AFF3: variants seen among roughly 807,000 people sequenced by gnomAD.
AFF3 encodes the protein ALF transcription elongation factor 3.
Under a neutral mutation model 129.7 loss-of-function variants are expected in AFF3, and 32 were observed. The observed-to-expected ratio is 0.25, with a 90% CI of 0.19 to 0.33. The LOEUF (loss-of-function observed/expected upper bound fraction) is 0.33, where lower values mean the gene tolerates loss of function less well. Ranked by LOEUF, AFF3 falls within the 10% of genes least tolerant of loss-of-function variation. AFF3 has a pLI of 1.00. For synonymous variants in AFF3, 644 were observed against 635.4 expected, an observed-to-expected ratio of 1.01 and a Z score of -0.20; for missense variants, 1,373 against 1,592.0, an observed-to-expected ratio of 0.86 and a Z score of 2.34.
At chr2:100,004,326 A>C (rs898794263) in intron 7 of AFF3, among the ~76,000 whole-genome samples, 1 of 152,240 alleles carries the variant, frequency 6.6e-6, no homozygotes, top group African/African-American at 2.4e-5. Flanking sequence ...ATTGGCATGA[A>C]TATTTTTGAA....
chr2:99,597,530 T>C (rs1013151669), intron 14 of AFF3, among the ~76,000 whole-genome samples: 1 of 152,254 alleles, frequency 6.6e-6, no homozygotes, highest in Non-Finnish European at 1.5e-5. Context: ...CTCCTCCTAA[T>C]AAGAACAACT....
chr2:99,647,437 T>C (rs1293825507), intron 13 of AFF3, among the ~76,000 whole-genome samples: 1 of 152,130 alleles, frequency 6.6e-6, no homozygotes, highest in Non-Finnish European at 1.5e-5. Context: ...AAGTGGGAGC[T>C]GAATGATGAG....
intron 4 of AFF3, among the ~76,000 whole-genome samples, chr2:100,031,960 C>A (rs537567893): frequency 4.6e-5 from 7 of 152,304 alleles, no homozygotes; most frequent in African/African-American, 1.7e-4. Context: ...ATCTCACAAA[C>A]ATAATATTGA....
At chr2:99,727,181 GA>G (rs1201537471) in intron 10 of AFF3, 53 bp from the exon 11 acceptor site, 3 of 1,470,102 alleles carry the variant, frequency 2.0e-6, no homozygotes, top group African/African-American at 2.8e-5. Context: ...CAGTCTTTAA[GA>G]TTTAAGAGAG....
At chr2:99,900,679 C>T (rs1039452572) in intron 7 of AFF3, among the ~76,000 whole-genome samples, 1 of 152,168 alleles carries the variant, frequency 6.6e-6, no homozygotes, top group African/African-American at 2.4e-5. Flanking sequence ...CATTTACTGA[C>T]TGGAAGTGTC....
At chr2:99,880,482 T>C (rs1273852975) in intron 7 of AFF3, among the ~76,000 whole-genome samples, 1 of 152,038 alleles carries the variant, frequency 6.6e-6, no homozygotes, top group Non-Finnish European at 1.5e-5. Context: ...CATTCTGAGG[T>C]GGTGGGTGGA....
At chr2:99,839,574 C>A (rs1261429925) in intron 7 of AFF3, among the ~76,000 whole-genome samples, 1 of 150,136 alleles carries the variant, frequency 6.7e-6, no homozygotes, top group East Asian at 1.9e-4. Flanking sequence ...GAAATGATGT[C>A]TCATTGTGGC....
At chr2:100,076,251 T>C (rs1416180219) in intron 4 of AFF3, among the ~76,000 whole-genome samples, 1 of 152,178 alleles carries the variant, frequency 6.6e-6, no homozygotes, top group Non-Finnish European at 1.5e-5. Context: ...TATCTTCTTA[T>C]CTAATGCAGT....
At chr2:100,019,542 G>C (rs1683414638) in intron 4 of AFF3, among the ~76,000 whole-genome samples, 1 of 152,208 alleles carries the variant, frequency 6.6e-6, no homozygotes, top group Non-Finnish European at 1.5e-5. Context: ...TACCTGAGAG[G>C]AAAGGACACC....
chr2:99,736,859 C>G (rs1680307493), intron 10 of AFF3, among the ~76,000 whole-genome samples: 1 of 152,274 alleles, frequency 6.6e-6, no homozygotes, highest in Non-Finnish European at 1.5e-5. Flanking sequence ...ATCTGCCCAC[C>G]TCGGTCTCCC....
At chr2:99,756,083 T>C (rs369455358) in intron 8 of AFF3, among the ~76,000 whole-genome samples, 4 of 152,240 alleles carry the variant, frequency 2.6e-5, no homozygotes, top group Non-Finnish European at 5.9e-5. Context: ...TCCTTCTCCT[T>C]TGAGGCTCTT....
rs148135206 is a variant in AFF3, at chr2:99,862,296, G to A, written c.874-24772C>T. Among the ~76,000 whole-genome samples the A allele has an allele frequency of 3.6e-4, 55 of 152,212 alleles. No homozygotes were observed. In the East Asian group the frequency reaches 0.01, roughly 28 times the overall value. Reference sequence around the variant, plus strand: ...AATTCACTGGAATGGTCCAGCTTCCGGCCAGGGACTGTCCTCTGCAGCACA... The same window carrying A: ...AATTCACTGGAATGGTCCAGCTTCCAGCCAGGGACTGTCCTCTGCAGCACA... On this transcript the variant is annotated intron_variant, in intron 7 of 24. Coordinates refer to ENST00000672756, the MANE Select transcript of AFF3 (RefSeq NM_001386135.1).
At chr2:99,655,479 AG>A in intron 12 of AFF3, among the ~76,000 whole-genome samples, 1 of 152,144 alleles carries the variant, frequency 6.6e-6, no homozygotes. Context: ...CTAGTTTGGG[AG>A]CAAAGGCCAG....
At chr2:99,779,576 T>C (rs967467262) in intron 8 of AFF3, among the ~76,000 whole-genome samples, 2 of 152,202 alleles carry the variant, frequency 1.3e-5, no homozygotes, top group South Asian at 2.1e-4. Flanking sequence ...GTTTCTTACA[T>C]GCATATACTG....
chr2:99,732,007 C>A (rs117733436), intron 10 of AFF3, among the ~76,000 whole-genome samples: 1 of 152,234 alleles, frequency 6.6e-6, no homozygotes, highest in African/African-American at 2.4e-5. Context: ...GGAACATCAT[C>A]GAAAGTGCCT....
intron 10 of AFF3, among the ~76,000 whole-genome samples, chr2:99,737,396 G>C (rs1220719646): frequency 6.6e-6 from 1 of 151,786 alleles, no homozygotes; most frequent in Admixed American, 6.6e-5. Flanking sequence ...GGATTTACTG[G>C]TGGCATACTT....
At chr2:99,965,040 T>C (rs1056651179) in intron 7 of AFF3, among the ~76,000 whole-genome samples, 13 of 152,238 alleles carry the variant, frequency 8.5e-5, no homozygotes, top group African/African-American at 3.1e-4. Context: ...AGTGTCGTGG[T>C]TGTTGATACT....
At chr2:99,862,432 G>A (rs990656015) in intron 7 of AFF3, among the ~76,000 whole-genome samples, 1 of 152,148 alleles carries the variant, frequency 6.6e-6, no homozygotes, top group Admixed American at 6.5e-5. Context: ...TATGACCTAC[G>A]TACATGCCTT....
At chr2:99,583,301 C>A (rs981147348) in intron 16 of AFF3, among the ~76,000 whole-genome samples, 1 of 152,168 alleles carries the variant, frequency 6.6e-6, no homozygotes, top group Non-Finnish European at 1.5e-5. Context: ...TCTCAAAATA[C>A]CCAACAAACA....
Sources: gnomAD v4.1 joint callset for allele counts (sites outside exome capture counted in the v4.1 genomes callset) on GRCh38, gnomAD v4.1.1 for gene constraint, MANE v1.5 for transcripts, NCBI Gene and HGNC (gene_info 2026-07-23, HGNC 2026-07-21) for gene names.